Variants in CEP350 observed in about 807,000 individuals in gnomAD.
CEP350 encodes centrosomal protein 350.
In CEP350, 126 loss-of-function variants were observed where a neutral mutation model predicts 331.8. The ratio of observed to expected loss-of-function variants is 0.38; its 90% CI spans 0.33 to 0.44. CEP350 has a LOEUF of 0.44. CEP350 is among the 20% of genes least tolerant of loss of function. The pLI is 1.00. For missense variants in CEP350, 3,406 were observed against 3,634.6 expected, an observed-to-expected ratio of 0.94 and a Z score of 1.62; for synonymous variants, 1,200 against 1,259.5, an observed-to-expected ratio of 0.95 and a Z score of 1.00.
intron 27 of CEP350, among the ~76,000 whole-genome samples, chr1:180,067,906 A>G (rs1362148194): frequency 1.3e-5 from 2 of 152,230 alleles, no homozygotes; most frequent in Non-Finnish European, 2.9e-5. Flanking sequence ...AGTTAATTTC[A>G]TAGTCATTCG....
At chr1:180,029,431 T>G (rs1024025145) in intron 14 of CEP350, among the ~76,000 whole-genome samples, 2 of 152,246 alleles carry the variant, frequency 1.3e-5, no homozygotes, top group Admixed American at 6.5e-5. Context: ...AACAGCTTGC[T>G]TCTAGCCTCG....
chr1:180,108,758 C>T (rs983120052), intron 37 of CEP350, among the ~76,000 whole-genome samples: 5 of 152,146 alleles, frequency 3.3e-5, no homozygotes, highest in African/African-American at 1.2e-4. Flanking sequence ...ATATAGGAAA[C>T]GCTGAGTTAA....
At chr1:179,994,213 G>A (rs964447641) in intron 5 of CEP350, among the ~76,000 whole-genome samples, 4 of 150,850 alleles carry the variant, frequency 2.7e-5, no homozygotes, top group African/African-American at 9.7e-5. Flanking sequence ...ATTACTTTTT[G>A]TTGGGGGGGT....
rs1490698364 is a variant in CEP350, at chr1:180,020,146, C to T, written c.2372C>T (p.Pro791Leu). Residue 791 changes from proline to leucine, a missense_variant, in exon 12 of 38, where the codon CCA becomes CTA. By Grantham distance (98) the Pro-to-Leu change is moderately conservative. Coordinates refer to ENST00000367607, the MANE Select transcript of CEP350 (RefSeq NM_014810.5). ...AAGAATCATAATATGGCTTCAAGGC[C>T]ATTAACTTTTACACCTCAACCATAT... ...TRKNHNMASR[P>L]LTFTPQPYVT... 4 of 1,613,874 alleles carry T rather than the reference C, an allele frequency of 2.5e-6. No homozygotes were observed. The African/African-American group carries it at 5.3e-5, about 22-fold the overall frequency.
At chr1:180,084,404 G>T (rs538959669) in intron 31 of CEP350, 8 of 293,666 alleles carry the variant, frequency 2.7e-5, no homozygotes, top group Non-Finnish European at 3.8e-5. Flanking sequence ...TCGCTCTGTC[G>T]CCTAGGCTGG....
chr1:180,108,258 G>T (rs1387971829), intron 37 of CEP350, among the ~76,000 whole-genome samples: 1 of 152,120 alleles, frequency 6.6e-6, no homozygotes, highest in Non-Finnish European at 1.5e-5. Context: ...TATTTCTACT[G>T]CAAGTGCACA....
intron 8 of CEP350, among the ~76,000 whole-genome samples, chr1:180,008,443 A>G (rs528773960): frequency 2.3e-5 from 2 of 88,710 alleles, no homozygotes; most frequent in South Asian, 4.2e-4. Context: ...TAAAGACTCA[A>G]CTGTTAGCTA....
chr1:180,037,160 G>T, intron 17 of CEP350, 71 bp downstream of exon 17: 1 of 1,334,678 alleles, frequency 7.5e-7, no homozygotes, highest in South Asian at 1.7e-5. Flanking sequence ...TCTTAATGAT[G>T]ACTTAAACTA....
At chr1:179,978,778 A>G (rs1171676846) in intron 1 of CEP350, among the ~76,000 whole-genome samples, 1 of 151,996 alleles carries the variant, frequency 6.6e-6, no homozygotes, top group Admixed American at 6.6e-5. Flanking sequence ...TTTTTATGGA[A>G]ATGTGAATGG....
chr1:180,105,417 C>T (rs1661092272), intron 37 of CEP350, among the ~76,000 whole-genome samples: 1 of 152,144 alleles, frequency 6.6e-6, no homozygotes, highest in South Asian at 2.1e-4. Flanking sequence ...TCTTGCTTGA[C>T]TCCAGATGCA....
chr1:180,091,716 G>A (rs1207659587), intron 33 of CEP350, among the ~76,000 whole-genome samples: 3 of 151,994 alleles, frequency 2.0e-5, no homozygotes, highest in Non-Finnish European at 2.9e-5. Flanking sequence ...TATAGTCCCA[G>A]CTATTTGCAG....
Position 180,098,930 on chromosome 1 carries a change from G to T in CEP350, c.9134G>T (p.Trp3045Leu), listed in dbSNP as rs1411066423. ...LKKEPNHKTD[W>L]QKMMKFGRKK... ...AAGGAGCCAAACCACAAAACAGATT[G>T]GCAGAAAATGATGAAATTTGGAAGA... is the stretch of plus-strand genomic sequence containing the variant. Residue 3045 changes from tryptophan to leucine, a missense_variant, in exon 37 of 38, where the codon TGG (tryptophan) becomes TTG (leucine). Physicochemically the swap from Trp to Leu is moderately conservative, Grantham distance 61. This residue lies in a region of CEP350 where 1,415 missense variants were observed against 1,512.3 expected (regional missense o/e 0.94). Transcript: ENST00000367607. 1 of 1,613,606 alleles carries T rather than the reference G, an allele frequency of 6.2e-7. No individual in the cohort carries two copies. The highest frequency in any genetic ancestry group is 1.1e-5 in the South Asian group (1 of 91,062).
intron 29 of CEP350, 67 bp from the exon 30 acceptor site, chr1:180,080,450 C>A: frequency 6.9e-7 from 1 of 1,440,160 alleles, no homozygotes; most frequent in South Asian, 1.2e-5. Context: ...GCTAGTATGT[C>A]AAATTTTAAA....
chr1:180,064,973 A>G (rs1658458550), intron 26 of CEP350, 142 bp from the exon 27 acceptor site: 2 of 788,346 alleles, frequency 2.5e-6, no homozygotes. Flanking sequence ...AGTGTGTGAT[A>G]TATTTTGTCC....
chr1:180,069,785 G>A (rs1658775765), intron 27 of CEP350, among the ~76,000 whole-genome samples: 2 of 152,060 alleles, frequency 1.3e-5, no homozygotes, highest in South Asian at 4.1e-4. Context: ...ATTTTAAAAT[G>A]TAAAGCACTA....
intron 7 of CEP350, 23 bp downstream of exon 7, chr1:180,003,310 T>A (rs1312708367): frequency 7.1e-7 from 1 of 1,404,888 alleles, no homozygotes; most frequent in Non-Finnish European, 9.9e-7. Context: ...CTTTCTTATG[T>A]TTTGAGTATT....
intron 16 of CEP350, among the ~76,000 whole-genome samples, chr1:180,034,387 T>A (rs114675170): frequency 2.7e-3 from 417 of 152,214 alleles, no homozygotes; most frequent in African/African-American, 9.5e-3. Context: ...TGCACACACA[T>A]AGAAGTAAAG....
intron 1 of CEP350, among the ~76,000 whole-genome samples, chr1:179,982,620 G>A (rs982485239): frequency 2.6e-5 from 4 of 151,950 alleles, no homozygotes; most frequent in Non-Finnish European, 5.9e-5. Context: ...CCTTTCCATT[G>A]GAAAATTGAT....
intron 4 of CEP350, among the ~76,000 whole-genome samples, chr1:179,991,314 CTTTTTTTTTTT>C (rs748309168): frequency 9.1e-6 from 1 of 109,396 alleles, no homozygotes; most frequent in African/African-American, 3.3e-5. Context: ...TCTTTCTTTT[CTTTTTTTTTTT>C]TTTTTTTTTG....
Sources: allele counts gnomAD v4.1 joint callset (sites outside exome capture counted in the v4.1 genomes callset), GRCh38; gene constraint gnomAD v4.1.1; regional missense constraint gnomAD v4.1.1; transcripts MANE v1.5; gene names NCBI Gene and HGNC (gene_info 2026-07-23, HGNC 2026-07-21).